The following CSMD1 variants were observed in gnomAD, a reference collection of about 807,000 sequenced individuals.
CSMD1 encodes CUB and sushi domain-containing protein 1.
A neutral mutation model predicts 417.5 loss-of-function variants in CSMD1; 213 were observed. That is an observed-to-expected ratio of 0.51 (90% CI 0.46 to 0.57). The LOEUF is 0.57. CSMD1 is among the 20% of genes least tolerant of loss of function. CSMD1 has a pLI of 0.00. For missense variants in CSMD1, 6,923 were observed against 4,529.7 expected (o/e 1.53, Z -15.17); for synonymous variants, 2,862 against 1,736.8 (o/e 1.65, Z -16.11).
chr8:3,739,109 T>A (rs1192228657), intron 6 of CSMD1, among the ~76,000 whole-genome samples: 1 of 151,942 alleles, frequency 6.6e-6, no homozygotes, highest in East Asian at 1.9e-4. Flanking sequence ...ATTCTATAAG[T>A]TTACATTTTA....
chr8:4,068,405 G>T (rs915621004), intron 3 of CSMD1, among the ~76,000 whole-genome samples: 1 of 152,154 alleles, frequency 6.6e-6, no homozygotes, highest in Non-Finnish European at 1.5e-5. Context: ...TCACACTGGG[G>T]AGAGACATGA....
intron 1 of CSMD1, among the ~76,000 whole-genome samples, chr8:4,705,886 C>G (rs1426814540): frequency 6.6e-6 from 1 of 152,002 alleles, no homozygotes; most frequent in Non-Finnish European, 1.5e-5. Flanking sequence ...TTTCATTTGA[C>G]TATTGGAAAA....
chr8:4,352,815 G>A (rs949876893), intron 3 of CSMD1, among the ~76,000 whole-genome samples: 4 of 152,208 alleles, frequency 2.6e-5, no homozygotes, highest in African/African-American at 9.7e-5. Context: ...TCCATTTCAA[G>A]ATGGTTCAAA....
rs1804160287 is a variant in CSMD1 at position 4,265,170 on chromosome 8, G to A, written c.415+154783C>T. On this transcript the variant is annotated intron_variant, in intron 3 of 69. Coordinates refer to ENST00000635120, the MANE Select transcript of CSMD1 (RefSeq NM_033225.6). ...ACTATTATTAGTAAAAATAAATAGT[G>A]GAACCTGTTTCAAAAGTAGCAAAGT... 2.0e-5 allele frequency among the ~76,000 whole-genome samples: 3 copies of A among 152,036 alleles called. No individual in the cohort carries two copies. The South Asian group carries it at 6.2e-4, about 32-fold the overall frequency.
At chr8:4,581,446 T>C (rs1450264809) in intron 2 of CSMD1, among the ~76,000 whole-genome samples, 1 of 152,244 alleles carries the variant, frequency 6.6e-6, no homozygotes, top group Non-Finnish European at 1.5e-5. Context: ...TAGCAAGCAG[T>C]TGTTTTCTAT....
chr8:4,784,944 A>T (rs539696585), intron 1 of CSMD1, among the ~76,000 whole-genome samples: 8 of 150,996 alleles, frequency 5.3e-5, no homozygotes, highest in Admixed American at 2.6e-4. Flanking sequence ...TGACTAAATT[A>T]GGCTCATAAG....
chr8:3,502,057 A>T (rs571009821), intron 10 of CSMD1, among the ~76,000 whole-genome samples: 8 of 152,200 alleles, frequency 5.3e-5, no homozygotes, highest in Non-Finnish European at 1.2e-4. Context: ...ATAATGAAAT[A>T]ATCATATATC....
intron 1 of CSMD1, among the ~76,000 whole-genome samples, chr8:4,840,769 T>A (rs7835362): frequency 0.19 from 28,174 of 152,112 alleles, 2,855 homozygotes; most frequent in East Asian, 0.28. Flanking sequence ...ACAAAACTAT[T>A]AAAATGTCCA....
intron 1 of CSMD1, among the ~76,000 whole-genome samples, chr8:4,748,077 C>G (rs1420889695): frequency 1.3e-5 from 2 of 152,304 alleles, no homozygotes; most frequent in African/African-American, 4.8e-5. Flanking sequence ...CCCCCACCCT[C>G]TGTTGAAATA....
intron 5 of CSMD1, among the ~76,000 whole-genome samples, chr8:3,790,175 A>G (rs1006838329): frequency 6.6e-6 from 1 of 152,276 alleles, no homozygotes; most frequent in South Asian, 2.1e-4. Flanking sequence ...TTTCAAATAC[A>G]TAATCAGAAC....
intron 3 of CSMD1, among the ~76,000 whole-genome samples, chr8:4,382,402 T>C (rs1803159876): frequency 1.3e-5 from 2 of 152,226 alleles, no homozygotes; most frequent in South Asian, 2.1e-4. Context: ...GCATGGTCAA[T>C]GAATGAAGCA....
chr8:3,637,116 C>G (rs915799352), intron 7 of CSMD1, among the ~76,000 whole-genome samples: 1 of 152,192 alleles, frequency 6.6e-6, no homozygotes, highest in Non-Finnish European at 1.5e-5. Context: ...AAATTTCCTT[C>G]CTTTATAAAT....
chr8:3,387,799 G>T, intron 17 of CSMD1, 117 bp from the exon 18 acceptor site: 1 of 819,808 alleles, frequency 1.2e-6, no homozygotes. Flanking sequence ...GAAACATTAT[G>T]CAAGTGAACC....
chr8:4,344,461 T>C lies in CSMD1; in HGVS notation c.415+75492A>G, dbSNP rs543673736. ...CTGAACTGCTCAAAGATGCATTCTT[T>C]TACAAATGTCTACCTCTATCTCTCA... On this transcript the variant is annotated intron_variant, in intron 3 of 69. Coordinates refer to ENST00000635120, the MANE Select transcript of CSMD1 (RefSeq NM_033225.6). 2.7e-4 allele frequency among the ~76,000 whole-genome samples: 41 copies of C among 152,028 alleles called. No individual in the cohort carries two copies. The South Asian group carries it at 8.3e-3, about 31-fold the overall frequency.
intron 2 of CSMD1, among the ~76,000 whole-genome samples, chr8:4,637,111 G>A (rs2724977): frequency 6.6e-6 from 1 of 152,044 alleles, no homozygotes; most frequent in African/African-American, 2.4e-5. Context: ...AACTTTATTC[G>A]CTCTTAGCAA....
chr8:3,376,271 C>T (rs561260001), intron 18 of CSMD1, among the ~76,000 whole-genome samples: 9 of 151,788 alleles, frequency 5.9e-5, no homozygotes, highest in Admixed American at 1.3e-4. Context: ...AAACTAATTG[C>T]CTGCAAGTAT....
intron 1 of CSMD1, among the ~76,000 whole-genome samples, chr8:4,848,955 T>C (rs920990828): frequency 6.6e-6 from 1 of 152,230 alleles, no homozygotes; most frequent in Non-Finnish European, 1.5e-5. Context: ...ATAAAAGTAT[T>C]AACTGTAAAA....
At chr8:4,462,243 C>G (rs1005375713) in intron 2 of CSMD1, among the ~76,000 whole-genome samples, 1 of 152,024 alleles carries the variant, frequency 6.6e-6, no homozygotes, top group African/African-American at 2.4e-5. Context: ...AAAACAATCC[C>G]TTTACCATAG....
intron 2 of CSMD1, among the ~76,000 whole-genome samples, chr8:4,454,784 C>T (rs1799368855): frequency 6.6e-6 from 1 of 152,194 alleles, no homozygotes; most frequent in South Asian, 2.1e-4. Context: ...TCTAAAGGCA[C>T]TTAAGCTACA....
Sources: allele counts gnomAD v4.1 joint callset (sites outside exome capture counted in the v4.1 genomes callset), GRCh38; gene constraint gnomAD v4.1.1; transcripts MANE v1.5; gene names NCBI Gene and HGNC (gene_info 2026-07-23, HGNC 2026-07-21).